Variants in MEMO1 observed in about 807,000 individuals in gnomAD.
MEMO1 encodes mediator of cell motility 1, also known as protein MEMO1.
A neutral mutation model predicts 45.2 loss-of-function variants in MEMO1; 6 were observed. That is an observed-to-expected ratio of 0.13 (90% CI 0.07 to 0.26). MEMO1 has a LOEUF of 0.26. Among genes scored for constraint, MEMO1 ranks in the 10% least tolerant of loss-of-function variants. The pLI, the probability that MEMO1 is intolerant of heterozygous loss-of-function variation, is 1.00. For missense variants in MEMO1, 184 were observed against 370.5 expected, an observed-to-expected ratio of 0.50 and a Z score of 4.13; for synonymous variants, 78 against 124.3, an observed-to-expected ratio of 0.63 and a Z score of 2.48.
At chr2:31,892,239 G>C in intron 6 of MEMO1, 105 bp from the exon 7 acceptor site, 1 of 921,858 alleles carries the variant, frequency 1.1e-6, no homozygotes, top group East Asian at 2.4e-5. Context: ...TAGTGGTAAG[G>C]ATAACATATG....
chr2:32,007,556 T>C (rs895847232), intron 2 of MEMO1, among the ~76,000 whole-genome samples: 3 of 152,254 alleles, frequency 2.0e-5, no homozygotes, highest in African/African-American at 7.2e-5. Context: ...ACACTTTTTT[T>C]CTGAAATAGC....
At chr2:31,939,074 G>A (rs1368329440) in intron 3 of MEMO1, among the ~76,000 whole-genome samples, 1 of 149,406 alleles carries the variant, frequency 6.7e-6, no homozygotes. Context: ...ATGAGCCACT[G>A]CACCCAGTAA....
chr2:31,868,539 T>C, intron 9 of MEMO1, 47 bp from the exon 10 acceptor site: 1 of 1,524,250 alleles, frequency 6.6e-7, no homozygotes, highest in East Asian at 2.5e-5. Flanking sequence ...CATAAAAAAC[T>C]GGGCACTCAA....
chr2:31,926,360 A>T (rs535898614), intron 4 of MEMO1, among the ~76,000 whole-genome samples: 8 of 134,000 alleles, frequency 6.0e-5, no homozygotes, highest in African/African-American at 2.0e-4. Flanking sequence ...ACAGAGCAAG[A>T]TCCTGTCTCA....
intron 2 of MEMO1, among the ~76,000 whole-genome samples, chr2:31,950,245 A>C (rs1420756364): frequency 6.6e-6 from 1 of 151,586 alleles, no homozygotes; most frequent in Non-Finnish European, 1.5e-5. Context: ...GCTGAGCATG[A>C]TGACAGGTGC....
chr2:31,924,807 C>G (rs1351490546), intron 4 of MEMO1, among the ~76,000 whole-genome samples: 1 of 152,176 alleles, frequency 6.6e-6, no homozygotes, highest in Non-Finnish European at 1.5e-5. Flanking sequence ...TTACTACTAC[C>G]TAAGGACATC....
chr2:31,887,277 A>G (rs1676320330), intron 7 of MEMO1, among the ~76,000 whole-genome samples: 1 of 152,196 alleles, frequency 6.6e-6, no homozygotes, highest in South Asian at 2.1e-4. Context: ...ACCTTAAAAC[A>G]AAAGGTAAAA....
Position 31,932,054 on chromosome 2 carries a change from C to T in MEMO1, c.212+13G>A, listed in dbSNP as rs747491821. 3 of 1,607,900 alleles carry T rather than the reference C, an allele frequency of 1.9e-6. No homozygotes were observed. Among genetic ancestry groups the T allele is most frequent in the South Asian group, 1.1e-5 (1 of 90,294 alleles). On this transcript the variant is annotated intron_variant, in intron 4 of 9. Coordinates refer to ENST00000404530, the MANE Select transcript of MEMO1 (RefSeq NM_001301833.4). Reference sequence around the variant, plus strand: ...CAAGCTTCTCCGACTTAAAACAAAACTACATTACTTACGTAATAGACGGAT... The same window carrying T: ...CAAGCTTCTCCGACTTAAAACAAAATTACATTACTTACGTAATAGACGGAT...
intron 2 of MEMO1, among the ~76,000 whole-genome samples, chr2:31,997,761 G>A (rs989607956): frequency 1.3e-5 from 2 of 152,182 alleles, no homozygotes; most frequent in African/African-American, 4.8e-5. Context: ...GTTGTGGTAA[G>A]AAGTTGGAAT....
At chr2:31,984,241 T>C (rs766301338) in intron 2 of MEMO1, among the ~76,000 whole-genome samples, 4 of 152,160 alleles carry the variant, frequency 2.6e-5, no homozygotes, top group Non-Finnish European at 5.9e-5. Flanking sequence ...TCACCAACAT[T>C]AATTTAATGT....
intron 8 of MEMO1, 147 bp downstream of exon 8, chr2:31,883,239 T>G: frequency 1.6e-6 from 1 of 613,740 alleles, no homozygotes; most frequent in East Asian, 3.0e-5. Flanking sequence ...ATTCTTATAG[T>G]CAGTATTTAT....
At chr2:31,952,891 T>C (rs1666992611) in intron 2 of MEMO1, among the ~76,000 whole-genome samples, 1 of 152,194 alleles carries the variant, frequency 6.6e-6, no homozygotes, top group Non-Finnish European at 1.5e-5. Context: ...AACATTCTAA[T>C]ATAAGCATTT....
In MEMO1 at chr2:32,006,833, C is replaced by T. The variant is rs190813229; in HGVS notation, c.61+3354G>A. On this transcript the variant is annotated intron_variant, in intron 2 of 9. Transcript: ENST00000404530. ...TACAAAAATTAGCCAGGCATGGTGG[C>T]GGGGGCCTGCAGTCTCAGCTACTCA... Among the ~76,000 whole-genome samples, 457 of 151,988 alleles carry T rather than the reference C, an allele frequency of 3.0e-3. 2 individuals are homozygous for T. The highest frequency in any genetic ancestry group is 0.01 in the African/African-American group (433 of 41,476).
At chr2:31,885,075 A>G (rs1572566316) in intron 7 of MEMO1, among the ~76,000 whole-genome samples, 1 of 152,206 alleles carries the variant, frequency 6.6e-6, no homozygotes, top group African/African-American at 2.4e-5. Context: ...TACTTCATAC[A>G]TAACAATGAG....
intron 8 of MEMO1, among the ~76,000 whole-genome samples, chr2:31,878,993 A>T (rs748657247): frequency 6.6e-6 from 1 of 152,202 alleles, no homozygotes; most frequent in Non-Finnish European, 1.5e-5. Flanking sequence ...CAAATTAGGG[A>T]TTAATGTTAC....
chr2:31,937,875 A>T (rs889247920), intron 3 of MEMO1, among the ~76,000 whole-genome samples: 1 of 152,214 alleles, frequency 6.6e-6, no homozygotes, highest in Non-Finnish European at 1.5e-5. Flanking sequence ...GCATATCTGT[A>T]CAGCTTCATT....
chr2:31,940,893 A>G (rs1558520273), intron 3 of MEMO1, among the ~76,000 whole-genome samples: 1 of 152,196 alleles, frequency 6.6e-6, no homozygotes, highest in Non-Finnish European at 1.5e-5. Context: ...AAACATATCC[A>G]GAATACACTA....
At chr2:31,895,281 C>T (rs1442901564) in intron 6 of MEMO1, among the ~76,000 whole-genome samples, 1 of 152,020 alleles carries the variant, frequency 6.6e-6, no homozygotes, top group African/African-American at 2.4e-5. Context: ...AAGCAGCCAG[C>T]AGAAGTTGTA....
chr2:31,919,550 G>A (rs1359250391), intron 5 of MEMO1, among the ~76,000 whole-genome samples: 1 of 152,060 alleles, frequency 6.6e-6, no homozygotes, highest in African/African-American at 2.4e-5. Flanking sequence ...CAGGTACAGT[G>A]GCTCACACTG....
Sources: gnomAD v4.1 joint callset for allele counts (sites outside exome capture counted in the v4.1 genomes callset) on GRCh38, gnomAD v4.1.1 for gene constraint, MANE v1.5 for transcripts, NCBI Gene and HGNC (gene_info 2026-07-23, HGNC 2026-07-21) for gene names.